CDKL4: variants seen among roughly 807,000 people sequenced by gnomAD.
CDKL4 encodes cyclin-dependent kinase-like 4.
Under a neutral mutation model 42.0 loss-of-function variants are expected in CDKL4, and 44 were observed. The ratio of observed to expected loss-of-function variants is 1.05; its 90% CI spans 0.82 to 1.35. The LOEUF is 1.35. Ranked by LOEUF, CDKL4 falls within the 40% of genes most tolerant of loss-of-function variation. The pLI, the probability that CDKL4 is intolerant of heterozygous loss-of-function variation, is 0.00. For missense variants in CDKL4, 393 were observed against 369.9 expected, an observed-to-expected ratio of 1.06 and a Z score of -0.51; for synonymous variants, 120 against 121.6, an observed-to-expected ratio of 0.99 and a Z score of 0.09.
At chr2:39,170,291 AAAAAGAAAGAAAAG>A in the CDKL4 span, among the ~76,000 whole-genome samples, 1 of 141,416 alleles carries the variant, frequency 7.1e-6, no homozygotes, top group South Asian at 2.2e-4. Context: ...AAAAAAAAAA[AAAAAGAAAGAAAAG>A]AAAAGAAAAG....
intron 4 of CDKL4, among the ~76,000 whole-genome samples, chr2:39,207,828 G>A (rs565124723): frequency 2.6e-5 from 4 of 152,168 alleles, no homozygotes; most frequent in African/African-American, 2.4e-5. Context: ...CTGGCTGGGC[G>A]TGGTGGCTCA....
intron 4 of CDKL4, among the ~76,000 whole-genome samples, chr2:39,211,470 G>A (rs1677585068): frequency 6.6e-6 from 1 of 152,078 alleles, no homozygotes; most frequent in Admixed American, 6.6e-5. Flanking sequence ...TCTGAGCATG[G>A]GAGAGACCAA....
intron 8 of CDKL4, among the ~76,000 whole-genome samples, chr2:39,182,289 C>A (rs1237254508): frequency 2.0e-5 from 3 of 152,186 alleles, no homozygotes; most frequent in Non-Finnish European, 4.4e-5. Context: ...CCATGCCCAG[C>A]CTCATTCATG....
intron 1 of CDKL4, among the ~76,000 whole-genome samples, chr2:39,236,164 A>AG (rs1251033412): frequency 1.3e-5 from 2 of 151,418 alleles, no homozygotes; most frequent in Non-Finnish European, 2.9e-5. Flanking sequence ...TAAAAAAAAA[A>AG]AAAAAAACCA....
intron 1 of CDKL4, among the ~76,000 whole-genome samples, chr2:39,233,044 C>CAA (rs72150084): frequency 0.32 from 21,369 of 66,084 alleles, 4,546 homozygotes; most frequent in Middle Eastern, 0.4. Flanking sequence ...GACTCCATCT[C>CAA]AAAAAAAAAA....
intron 8 of CDKL4, among the ~76,000 whole-genome samples, chr2:39,182,542 G>T (rs891021766): frequency 1.3e-5 from 2 of 152,170 alleles, no homozygotes; most frequent in Non-Finnish European, 2.9e-5. Context: ...AGAAGCTGAA[G>T]AATTAATCAG....
chr2:39,185,723 A>C (rs1436573098), intron 7 of CDKL4, among the ~76,000 whole-genome samples: 1 of 151,822 alleles, frequency 6.6e-6, no homozygotes, highest in Non-Finnish European at 1.5e-5. Context: ...GGCCTCCCAA[A>C]GTGCTGGGAT....
intron 6 of CDKL4, among the ~76,000 whole-genome samples, chr2:39,188,245 C>T (rs1402419917): frequency 2.0e-5 from 3 of 152,060 alleles, no homozygotes; most frequent in Admixed American, 6.6e-5. Flanking sequence ...CTCTTTGTCA[C>T]ATGTGGTCAC....
chr2:39,187,852 G>C, intron 6 of CDKL4, 143 bp from the exon 7 acceptor site: 1 of 599,138 alleles, frequency 1.7e-6, no homozygotes. Flanking sequence ...TGGATCACTT[G>C]ACGTCAAGAG....
intron 1 of CDKL4, among the ~76,000 whole-genome samples, chr2:39,233,726 CA>C (rs201736251): frequency 6.1e-5 from 9 of 146,424 alleles, no homozygotes; most frequent in African/African-American, 7.5e-5. Context: ...AAATCATTTA[CA>C]AAAAAAAACA....
At position 39,234,683 on chromosome 2, in the gene CDKL4, T is replaced by C. The variant is rs946120217; in HGVS notation, c.-56-5095A>G. ...CATATTTGAATAAAACAATCAAAGA[T>C]AAAGAGAATACTCTCTGAGCCTCCA... On this transcript the variant is annotated intron_variant, in intron 1 of 9. Coordinates refer to ENST00000451199, the Ensembl canonical transcript of CDKL4. 3.4e-4 allele frequency among the ~76,000 whole-genome samples: 51 copies of C among 152,066 alleles called. 1 individual carries two copies. Among genetic ancestry groups the C allele is most frequent in the Non-Finnish European group, 1.2e-4 (8 of 68,002 alleles).
chr2:39,193,412 A>C (rs1210274245), intron 5 of CDKL4, among the ~76,000 whole-genome samples: 3 of 150,840 alleles, frequency 2.0e-5, no homozygotes, highest in Admixed American at 6.6e-5. Context: ...TTTCGCTCTT[A>C]TTGTCCAGGC....
chr2:39,189,159 C>G (rs1049460647), intron 6 of CDKL4, among the ~76,000 whole-genome samples: 1 of 152,204 alleles, frequency 6.6e-6, no homozygotes, highest in African/African-American at 2.4e-5. Flanking sequence ...GGGAACTGTC[C>G]AGCAGCCATG....
chr2:39,227,930 A>G (rs576853630), intron 2 of CDKL4, among the ~76,000 whole-genome samples: 3 of 152,156 alleles, frequency 2.0e-5, no homozygotes, highest in Non-Finnish European at 2.9e-5. Flanking sequence ...AAATAACAAG[A>G]CTATGTGAGG....
chr2:39,230,127 C>A (rs1679009934), intron 1 of CDKL4, among the ~76,000 whole-genome samples: 1 of 152,236 alleles, frequency 6.6e-6, no homozygotes, highest in African/African-American at 2.4e-5. Flanking sequence ...AGCCTGTAAT[C>A]CCAGAACTTT....
upstream of CDKL4, among the ~76,000 whole-genome samples, chr2:39,246,851 C>G (rs1159559030): frequency 1.3e-5 from 2 of 152,120 alleles, no homozygotes; most frequent in East Asian, 1.9e-4. Flanking sequence ...TCAAGTGATT[C>G]TCTTGCCTCA....
intron 3 of CDKL4, among the ~76,000 whole-genome samples, chr2:39,216,714 G>A (rs1235968680): frequency 6.6e-6 from 1 of 152,106 alleles, no homozygotes; most frequent in East Asian, 1.9e-4. Context: ...TAGTCTGGTT[G>A]GGATCTAAGA....
chr2:39,213,372 A>G (rs766237725), intron 4 of CDKL4, 28 bp downstream of exon 4: 2 of 1,376,824 alleles, frequency 1.5e-6, no homozygotes, highest in East Asian at 4.6e-5. Context: ...TGAAGAAATG[A>G]ATAAATACAT....
chr2:39,193,444 C>T (rs1009364114), intron 5 of CDKL4, among the ~76,000 whole-genome samples: 2 of 151,482 alleles, frequency 1.3e-5, no homozygotes, highest in Admixed American at 6.6e-5. Flanking sequence ...GGCACAATCT[C>T]GGCTCACCGC....
Sources: gnomAD v4.1 joint callset for allele counts (sites outside exome capture counted in the v4.1 genomes callset) on GRCh38, gnomAD v4.1.1 for gene constraint, MANE v1.5 for transcripts, NCBI Gene and HGNC (gene_info 2026-07-23, HGNC 2026-07-21) for gene names.